The following SAMMSON variants were observed in gnomAD, a reference collection of about 807,000 sequenced individuals.
The protein encoded by SAMMSON is long intergenic non-protein coding RNA 1212.
Position 70,178,905 on chromosome 3 carries a change from G to A in SAMMSON, n.508-70202G>A, listed in dbSNP as rs377229171. 4.6e-5 allele frequency among the ~76,000 whole-genome samples: 7 copies of A among 152,194 alleles called. No individual in the cohort carries two copies. In the East Asian group the frequency reaches 9.7e-4, roughly 21 times the overall value. ...TTCCCCAGCTACTAGGGAGGCTGAG[G>A]TAGGAGAATCACTTGAGCCCAGGAG... On this transcript the variant is annotated intron_variant and non_coding_transcript_variant, in intron 4 of 9. Coordinates refer to ENST00000642114, the Ensembl canonical transcript of SAMMSON.
At chr3:70,417,994 C>T (rs1442734751) in intron 2 of SAMMSON, among the ~76,000 whole-genome samples, 1 of 152,178 alleles carries the variant, frequency 6.6e-6, no homozygotes, top group Non-Finnish European at 1.5e-5. Flanking sequence ...GGGAGCTTTG[C>T]CTCATTTTGT....
At chr3:70,068,304 G>A (rs749435874) in intron 3 of SAMMSON, 1 of 151,978 alleles carries the variant, frequency 6.6e-6, no homozygotes, top group Non-Finnish European at 1.5e-5. Context: ...TTAAAAATAA[G>A]ATAAGAAATA....
chr3:70,006,209 T>A (rs191109970), intron 1 of SAMMSON, among the ~76,000 whole-genome samples: 202 of 152,328 alleles, frequency 1.3e-3, no homozygotes, highest in African/African-American at 4.7e-3. Context: ...ATGCACCAAT[T>A]ACAGAATATG....
rs146530453 is a variant in SAMMSON at position 70,417,580 on chromosome 3, A to T, written n.234-44980A>T. ...CAAGAATGATCAGAACTTCAGACATAGGTGGATCCAGGAGCTCAGCTACGA... is the reference window on the plus strand; with the variant it reads ...CAAGAATGATCAGAACTTCAGACATTGGTGGATCCAGGAGCTCAGCTACGA... On this transcript the variant is annotated intron_variant and non_coding_transcript_variant, in intron 2 of 3. Coordinates refer to the SAMMSON transcript ENST00000641053. Among the ~76,000 whole-genome samples the T allele has an allele frequency of 7.3e-4, 111 of 152,328 alleles. 1 individual carries two copies. In the East Asian group the frequency reaches 0.013, roughly 18 times the overall value.
intron 4 of SAMMSON, among the ~76,000 whole-genome samples, chr3:70,087,366 G>T (rs1283157168): frequency 1.3e-5 from 2 of 152,154 alleles, no homozygotes; most frequent in Non-Finnish European, 2.9e-5. Context: ...ATTTTTGGAG[G>T]AGTAGCCAGT....
At chr3:70,054,798 C>G (rs1435390225) in intron 3 of SAMMSON, among the ~76,000 whole-genome samples, 1 of 152,076 alleles carries the variant, frequency 6.6e-6, no homozygotes, top group African/African-American at 2.4e-5. Flanking sequence ...CTAATCTCAA[C>G]AGGGAAGTAG....
intron 4 of SAMMSON, among the ~76,000 whole-genome samples, chr3:70,208,601 C>T (rs964680325): frequency 6.6e-6 from 1 of 152,056 alleles, no homozygotes; most frequent in East Asian, 1.9e-4. Flanking sequence ...CAGGTGATTC[C>T]GACATGTAGA....
intron 3 of SAMMSON, among the ~76,000 whole-genome samples, chr3:70,028,302 T>G (rs1016201878): frequency 2.6e-5 from 4 of 152,138 alleles, no homozygotes; most frequent in African/African-American, 9.7e-5. Context: ...GAATAGCAGT[T>G]GAGGCCTTAC....
In SAMMSON at chr3:70,013,905, G is replaced by T. The variant is rs557039498; in HGVS notation, n.417+233G>T. On this transcript the variant is annotated intron_variant and non_coding_transcript_variant, in intron 3 of 9. Transcript: ENST00000642114. ...GTGTGGCTAGATCCAACGGCTCTCT[G>T]GAAAACTCTGTGAAAAAAATGCTTC... 2.0e-5 allele frequency: 3 copies of T among 152,206 alleles called. No homozygotes were observed. In the East Asian group the frequency reaches 5.8e-4, roughly 29 times the overall value. 9.4% of individuals were successfully genotyped at this position (152,206 alleles called of 1,614,324 possible).
rs555098828 is a variant in SAMMSON, at chr3:70,376,280, C to T, written n.914-13294C>T. Among the ~76,000 whole-genome samples the T allele has an allele frequency of 1.3e-3, 205 of 152,276 alleles. 1 individual carries two copies. The highest frequency in any genetic ancestry group is 4.5e-3 in the African/African-American group (185 of 41,570). On this transcript the variant is annotated intron_variant and non_coding_transcript_variant, in intron 9 of 9. Transcript: ENST00000642114. ...AGTTAACTAAGCGTTGTCTCCAGTT[C>T]GTCCTTCAACTAGTTGGTGATTTTG...
intron 4 of SAMMSON, among the ~76,000 whole-genome samples, chr3:70,201,802 G>C (rs1228141439): frequency 6.6e-6 from 1 of 152,118 alleles, no homozygotes; most frequent in African/African-American, 2.4e-5. Flanking sequence ...GCCCTCCTCT[G>C]TGCTGGATTC....
At chr3:70,053,576 T>C (rs2067154707) in intron 3 of SAMMSON, among the ~76,000 whole-genome samples, 1 of 152,116 alleles carries the variant, frequency 6.6e-6, no homozygotes, top group South Asian at 2.1e-4. Context: ...GACTGACACG[T>C]GCTAATTTTG....
chr3:70,258,992 G>C (rs753775908), intron 6 of SAMMSON, among the ~76,000 whole-genome samples: 3 of 151,886 alleles, frequency 2.0e-5, no homozygotes, highest in Non-Finnish European at 4.4e-5. Flanking sequence ...ATAAAGAAGG[G>C]TGCAAGATAT....
At chr3:70,059,496 G>T (rs909943016) in intron 3 of SAMMSON, among the ~76,000 whole-genome samples, 3 of 152,130 alleles carry the variant, frequency 2.0e-5, no homozygotes, top group African/African-American at 4.8e-5. Context: ...AACTAATCAT[G>T]TAAGTCCCAA....
rs182335619 is a variant in SAMMSON at position 70,126,430 on chromosome 3, C to T, written n.507+54865C>T. The T allele has an allele frequency of 7.5e-5, 54 of 718,984 alleles. No homozygotes were observed. The African/African-American group carries it at 8.4e-4, about 11-fold the overall frequency. 44.5% of individuals were successfully genotyped at this position (718,984 alleles called of 1,614,324 possible). A position where few individuals can be genotyped will look rare whatever the true frequency, so the allele number is the denominator to read the frequency against. On this transcript the variant is annotated intron_variant and non_coding_transcript_variant, in intron 4 of 9. Coordinates refer to ENST00000642114, the Ensembl canonical transcript of SAMMSON. Reference sequence around the variant, plus strand: ...CAAAAGCTGTATGTTTCAGCTGCCCCTTATCTGACAGGTCATGCACCAACC... The same window carrying T: ...CAAAAGCTGTATGTTTCAGCTGCCCTTTATCTGACAGGTCATGCACCAACC...
At position 70,299,156 on chromosome 3, in the gene SAMMSON, C is replaced by T. The variant is rs372103315; in HGVS notation, n.739+7913C>T. On this transcript the variant is annotated intron_variant and non_coding_transcript_variant, in intron 7 of 9. Coordinates refer to ENST00000642114, the Ensembl canonical transcript of SAMMSON. ...ATATCCAAACATAGGTAATTGGTTA[C>T]ATATATTTTGTTACTTCATAGAATA... is the stretch of plus-strand genomic sequence containing the variant. 1.4e-3 allele frequency among the ~76,000 whole-genome samples: 220 copies of T among 152,184 alleles called. 2 individuals are homozygous for T. Among genetic ancestry groups the T allele is most frequent in the African/African-American group, 5.2e-3 (214 of 41,542 alleles).
chr3:70,023,112 AT>A (rs2067022371), intron 3 of SAMMSON, among the ~76,000 whole-genome samples: 1 of 152,118 alleles, frequency 6.6e-6, no homozygotes, highest in South Asian at 2.1e-4. Context: ...CTTAAAATTC[AT>A]TTTAGTGAAA....
rs531706302 is a variant in SAMMSON at position 70,185,249 on chromosome 3, A to T, written n.508-63858A>T. On this transcript the variant is annotated intron_variant and non_coding_transcript_variant, in intron 4 of 9. Transcript: ENST00000642114. ...AACTGGATTTGCCACAAAAGGAGAA[A>T]CCATATAAAAATTTCCTCCATGGCA... Among the ~76,000 whole-genome samples the T allele has an allele frequency of 3.3e-5, 5 of 152,286 alleles. No homozygotes were observed. In the South Asian group the frequency reaches 1.0e-3, roughly 32 times the overall value.
At chr3:70,007,544 G>A (rs2066933208) in intron 1 of SAMMSON, among the ~76,000 whole-genome samples, 1 of 151,878 alleles carries the variant, frequency 6.6e-6, no homozygotes, top group Non-Finnish European at 1.5e-5. Context: ...CTGGATATTA[G>A]CCCTTTGTCA....
Sources: gnomAD v4.1 joint callset for allele counts (sites outside exome capture counted in the v4.1 genomes callset) on GRCh38, gnomAD v4.1.1 for gene constraint, MANE v1.5 for transcripts, NCBI Gene and HGNC (gene_info 2026-07-23, HGNC 2026-07-21) for gene names.